The following PCLO variants were observed in gnomAD, a reference collection of about 807,000 sequenced individuals.
PCLO encodes piccolo presynaptic cytomatrix protein.
A neutral mutation model predicts 427.5 loss-of-function variants in PCLO; 82 were observed. The observed-to-expected ratio is 0.19, with a 90% CI of 0.16 to 0.23. PCLO has a LOEUF of 0.23. Ranked by LOEUF, PCLO falls within the 10% of genes least tolerant of loss-of-function variation. The probability of loss-of-function intolerance (pLI) is 1.00; values close to 1 mark genes in which losing one functional copy is unlikely to be tolerated. For synonymous variants in PCLO, 2,357 were observed against 2,155.4 expected, an observed-to-expected ratio of 1.09 and a Z score of -2.59; for missense variants, 6,239 against 6,115.9, an observed-to-expected ratio of 1.02 and a Z score of -0.67.
At chr7:82,799,957 T>C (rs540549687) in intron 22 of PCLO, among the ~76,000 whole-genome samples, 2 of 152,320 alleles carry the variant, frequency 1.3e-5, no homozygotes, top group East Asian at 1.9e-4. Context: ...CCATTTCTAG[T>C]TTCCTGGTTG....
At chr7:83,021,792 A>G (rs960026290) in intron 3 of PCLO, among the ~76,000 whole-genome samples, 1 of 152,160 alleles carries the variant, frequency 6.6e-6, no homozygotes, top group Non-Finnish European at 1.5e-5. Context: ...CCTGAGTTCA[A>G]TACGGAAGCT....
intron 13 of PCLO, among the ~76,000 whole-genome samples, chr7:82,845,030 A>G (rs1792462879): frequency 6.6e-6 from 1 of 152,114 alleles, no homozygotes; most frequent in South Asian, 2.1e-4. Context: ...TATCAGAGAC[A>G]TTTTTCAAGT....
In PCLO at chr7:82,879,376, G is replaced by C. The variant is rs763879358; in HGVS notation, c.13615C>G (p.Pro4539Ala). The C allele has an allele frequency of 6.2e-7, 1 of 1,612,246 alleles. No individual in the cohort carries two copies. Among genetic ancestry groups the C allele is most frequent in the African/African-American group, 1.3e-5 (1 of 74,794 alleles). Reference protein sequence around the residue: ...EIGAYIAKILPGGSAEQTGKL... With the variant: ...EIGAYIAKILAGGSAEQTGKL... The stretch of plus-strand genomic sequence containing the variant: ...CCCGTCTGTTCCGCACTTCCCCCAG[G>C]AAGAATCTTGGCAATATAGGCTCCA... The change falls in exon 10 of 25, where the codon CCT becomes GCT. Residue 4539 changes from proline (P) to alanine (A), a missense_variant. This residue lies in a region of PCLO where 877 missense variants were observed against 925.5 expected (regional missense o/e 0.95). Coordinates refer to ENST00000333891, the MANE Select transcript of PCLO (RefSeq NM_033026.6).
intron 22 of PCLO, among the ~76,000 whole-genome samples, chr7:82,765,675 G>A (rs1392200125): frequency 1.3e-5 from 2 of 151,984 alleles, no homozygotes; most frequent in African/African-American, 4.8e-5. Flanking sequence ...TTGACAGATG[G>A]GAAACTACAA....
At chr7:82,924,212 A>G (rs1366923439) in intron 6 of PCLO, among the ~76,000 whole-genome samples, 1 of 152,094 alleles carries the variant, frequency 6.6e-6, no homozygotes. Context: ...GGAGGGAATA[A>G]AGGGTAAACA....
chr7:83,130,806 C>T (rs1163635840), intron 3 of PCLO, among the ~76,000 whole-genome samples: 1 of 152,144 alleles, frequency 6.6e-6, no homozygotes, highest in Non-Finnish European at 1.5e-5. Flanking sequence ...TCTTAAAAGA[C>T]TCATTTGTTG....
At chr7:82,782,831 C>A (rs1049252415) in intron 22 of PCLO, among the ~76,000 whole-genome samples, 1 of 152,150 alleles carries the variant, frequency 6.6e-6, no homozygotes, top group Non-Finnish European at 1.5e-5. Flanking sequence ...AACACAATCT[C>A]TTATTTTATC....
chr7:83,116,417 T>A (rs1432250748), intron 3 of PCLO, among the ~76,000 whole-genome samples: 1 of 152,190 alleles, frequency 6.6e-6, no homozygotes, highest in African/African-American at 2.4e-5. Context: ...GATTGAGTTA[T>A]TTATTTCACA....
At chr7:83,150,268 T>G (rs1049631523) in intron 2 of PCLO, among the ~76,000 whole-genome samples, 1 of 152,184 alleles carries the variant, frequency 6.6e-6, no homozygotes, top group Non-Finnish European at 1.5e-5. Context: ...TGTGTCAAAA[T>G]GCATGCCCAA....
chr7:82,793,154 C>G (rs1347170020), intron 22 of PCLO, among the ~76,000 whole-genome samples: 1 of 152,094 alleles, frequency 6.6e-6, no homozygotes, highest in Non-Finnish European at 1.5e-5. Context: ...CATGAGCACC[C>G]CATTCACTGC....
intron 20 of PCLO, among the ~76,000 whole-genome samples, chr7:82,814,793 TCTC>T (rs746203004): frequency 6.6e-6 from 1 of 152,068 alleles, no homozygotes; most frequent in East Asian, 1.9e-4. Flanking sequence ...ATGTTAATCT[TCTC>T]AAGAATATTT....
At chr7:82,985,479 G>A (rs1441423512) in intron 3 of PCLO, among the ~76,000 whole-genome samples, 4 of 152,000 alleles carry the variant, frequency 2.6e-5, no homozygotes. Flanking sequence ...CCAAAGTGGG[G>A]TTAGCACTGA....
chr7:82,845,613 AATTAACTCTATTGTACTTTTATG>A lies in PCLO; in HGVS notation c.13832-151_13832-129del, dbSNP rs1204605520. The A allele has an allele frequency of 6.1e-6, 4 of 650,846 alleles. No homozygotes were observed. In the East Asian group the frequency reaches 8.2e-5, roughly 13 times the overall value. The allele number at this position is 650,846 out of a possible 1,614,324, so 40.3% of individuals were successfully genotyped here. A position where few individuals can be genotyped will look rare whatever the true frequency, so the allele number is the denominator to read the frequency against. On this transcript the variant is annotated intron_variant, in intron 12 of 24. Coordinates refer to ENST00000333891, the MANE Select transcript of PCLO (RefSeq NM_033026.6). The stretch of plus-strand genomic sequence containing the variant: ...AAAATAAGCTAAACTTTAAAAATGA[AATTAACTCTATTGTACTTTTATG>A]TATCAATTTCTAAGGAAGTCTACAA...
intron 22 of PCLO, among the ~76,000 whole-genome samples, chr7:82,785,861 A>T (rs573565130): frequency 6.6e-6 from 1 of 152,306 alleles, no homozygotes; most frequent in South Asian, 2.1e-4. Context: ...AACCAGATGT[A>T]AATTGGGAGA....
intron 6 of PCLO, among the ~76,000 whole-genome samples, chr7:82,925,710 T>G: frequency 6.9e-6 from 1 of 145,354 alleles, no homozygotes; most frequent in African/African-American, 2.6e-5. Context: ...AGAATTTTTG[T>G]TGCTTTTTTT....
At chr7:82,988,839 AT>A (rs901858061) in intron 3 of PCLO, among the ~76,000 whole-genome samples, 77 of 149,374 alleles carry the variant, frequency 5.2e-4, no homozygotes, top group African/African-American at 1.8e-3. Flanking sequence ...TTTTTATTTT[AT>A]TTTTTTTCTT....
intron 3 of PCLO, among the ~76,000 whole-genome samples, chr7:83,030,135 G>A (rs71557154): frequency 0.37 from 36,651 of 99,822 alleles, 5,322 homozygotes; most frequent in Middle Eastern, 0.53. Flanking sequence ...AAAAAAAAAA[G>A]AAAAGAAAAG....
chr7:82,802,072 AT>A lies in PCLO; in HGVS notation c.14934-482del, dbSNP rs199579450. On this transcript the variant is annotated intron_variant, in intron 21 of 24. Coordinates refer to ENST00000333891, the MANE Select transcript of PCLO (RefSeq NM_033026.6). Reference sequence around the variant, plus strand: ...TAATAAAATATTTCTTATTTCATGTATTTTTTTTTCAACTCCTTTCTGTGTT... The same window carrying A: ...TAATAAAATATTTCTTATTTCATGTATTTTTTTTCAACTCCTTTCTGTGTT... 1.4e-3 allele frequency among the ~76,000 whole-genome samples: 205 copies of A among 150,546 alleles called. 1 individual carries two copies. The highest frequency in any genetic ancestry group is 4.9e-3 in the African/African-American group (201 of 41,122).
At chr7:83,133,984 A>G (rs963529499) in intron 3 of PCLO, among the ~76,000 whole-genome samples, 1 of 151,654 alleles carries the variant, frequency 6.6e-6, no homozygotes, top group Non-Finnish European at 1.5e-5. Context: ...GCTCATTGTT[A>G]TATTAATTTA....
Sources: allele counts gnomAD v4.1 joint callset (sites outside exome capture counted in the v4.1 genomes callset), GRCh38; gene constraint gnomAD v4.1.1; regional missense constraint gnomAD v4.1.1; transcripts MANE v1.5; gene names NCBI Gene and HGNC (gene_info 2026-07-23, HGNC 2026-07-21).